The following ATP8B4 variants were observed in gnomAD, a reference collection of about 807,000 sequenced individuals.
ATP8B4 encodes the protein probable phospholipid-transporting ATPase IM.
A neutral mutation model predicts 145.6 loss-of-function variants in ATP8B4; 133 were observed. That is an observed-to-expected ratio of 0.91 (90% confidence interval 0.79 to 1.05). ATP8B4 has a LOEUF of 1.05. Among genes scored for constraint, ATP8B4 ranks in the 50% least tolerant of loss-of-function variants. The pLI is 0.00. For missense variants in ATP8B4, 1,458 were observed against 1,425.2 expected (o/e 1.02, Z -0.37); for synonymous variants, 507 against 492.9 (o/e 1.03, Z -0.38).
At chr15:49,968,450 CA>C (rs932955949) in intron 13 of ATP8B4, among the ~76,000 whole-genome samples, 5 of 150,866 alleles carry the variant, frequency 3.3e-5, no homozygotes, top group Non-Finnish European at 5.9e-5. Flanking sequence ...AAATGGAAAG[CA>C]AAAAAAAGCA....
intron 1 of ATP8B4, among the ~76,000 whole-genome samples, chr15:50,116,415 G>C (rs182939096): frequency 2.0e-5 from 3 of 152,102 alleles, no homozygotes; most frequent in African/African-American, 7.2e-5. Context: ...AGGTGGAGGG[G>C]CAGAAGAAGG....
intron 1 of ATP8B4, among the ~76,000 whole-genome samples, chr15:50,174,273 A>T (rs972299233): frequency 1.3e-5 from 2 of 152,212 alleles, no homozygotes; most frequent in African/African-American, 4.8e-5. Flanking sequence ...TCTTCAGCAT[A>T]GTACTGGAAG....
chr15:49,897,164 C>T (rs758551445), intron 23 of ATP8B4, 128 bp downstream of exon 23: 7 of 834,432 alleles, frequency 8.4e-6, no homozygotes, highest in South Asian at 7.1e-5. Context: ...AATTGTAATA[C>T]TATTACTTGA....
At position 49,901,148 on chromosome 15, in the gene ATP8B4, T is replaced by G. The variant is rs142396118; in HGVS notation, c.2233A>C (p.Ile745Leu). 1 of 1,613,528 alleles carries G rather than the reference T, an allele frequency of 6.2e-7. No individual in the cohort carries two copies. The highest frequency in any genetic ancestry group is 8.5e-7 in the Non-Finnish European group (1 of 1,179,658). ...TCTCCTGTTATGGTTTCTTCTACAATAGAATCCAACTCCAGCTGCTGCTTT... is the reference window on the plus strand; with the variant it reads ...TCTCCTGTTATGGTTTCTTCTACAAGAGAATCCAACTCCAGCTGCTGCTTT... ...EKKQQLELDSIVEETITGDYA... is the reference protein window; with the variant it reads ...EKKQQLELDSLVEETITGDYA... Residue 745 changes from isoleucine (I) to leucine (L), a missense_variant, in exon 21 of 28, where the codon ATT becomes CTT. Ile to Leu is a conservative substitution (Grantham distance 5, BLOSUM62 2). Coordinates refer to ENST00000284509, the MANE Select transcript of ATP8B4 (RefSeq NM_024837.4).
intron 3 of ATP8B4, among the ~76,000 whole-genome samples, chr15:50,062,497 C>T (rs576323946): frequency 7.4e-4 from 113 of 152,094 alleles, no homozygotes; most frequent in Non-Finnish European, 4.0e-4. Flanking sequence ...TCAGGTACTT[C>T]TTTATGGCAA....
At chr15:50,018,864 A>C in intron 6 of ATP8B4, 1 of 1,057,950 alleles carries the variant, frequency 9.5e-7, no homozygotes, top group Non-Finnish European at 1.3e-6. Flanking sequence ...CTACTCTCTG[A>C]AGCTTCGACC....
chr15:50,178,472 CA>C (rs1369434300), intron 1 of ATP8B4, among the ~76,000 whole-genome samples: 1 of 152,106 alleles, frequency 6.6e-6, no homozygotes, highest in Non-Finnish European at 1.5e-5. Context: ...TTTCTACATT[CA>C]AAAATATTTT....
intron 16 of ATP8B4, 91 bp downstream of exon 16, chr15:49,931,028 T>G (rs919546675): frequency 6.0e-5 from 83 of 1,383,338 alleles, no homozygotes; most frequent in Non-Finnish European, 7.8e-5. Flanking sequence ...ATCACAACCC[T>G]CAGCACATAG....
chr15:49,939,548 A>T (rs12904014), intron 14 of ATP8B4, among the ~76,000 whole-genome samples: 36,975 of 152,024 alleles, frequency 0.24, 5,182 homozygotes, highest in Non-Finnish European at 0.31. Context: ...CAAGATTGAA[A>T]CAAGAAGAAA....
intron 1 of ATP8B4, among the ~76,000 whole-genome samples, chr15:50,111,677 T>C (rs924291594): frequency 5.9e-5 from 9 of 152,182 alleles, no homozygotes; most frequent in Admixed American, 2.6e-4. Context: ...TTACAGAATC[T>C]GGGGCAAATA....
intron 21 of ATP8B4, among the ~76,000 whole-genome samples, chr15:49,900,431 TA>T (rs1265849577): frequency 2.0e-5 from 3 of 152,244 alleles, no homozygotes; most frequent in Non-Finnish European, 4.4e-5. Flanking sequence ...CTTGTGCATA[TA>T]AATTATAATT....
chr15:50,138,458 TAGAC>T (rs1305116169), intron 1 of ATP8B4, among the ~76,000 whole-genome samples: 3 of 148,992 alleles, frequency 2.0e-5, no homozygotes, highest in African/African-American at 7.3e-5. Context: ...AGACAGATGA[TAGAC>T]AGATAGATAG....
intron 1 of ATP8B4, among the ~76,000 whole-genome samples, chr15:50,136,801 T>C (rs1039322377): frequency 2.0e-5 from 3 of 152,184 alleles, no homozygotes; most frequent in African/African-American, 7.2e-5. Context: ...ACCAGACAAG[T>C]TACCCTGTGT....
At chr15:50,067,395 T>C (rs1171805207) in intron 3 of ATP8B4, among the ~76,000 whole-genome samples, 1 of 152,200 alleles carries the variant, frequency 6.6e-6, no homozygotes, top group Non-Finnish European at 1.5e-5. Flanking sequence ...GTCACTTCTC[T>C]TAGCCTGTAG....
At chr15:50,093,789 A>G (rs1167040643) in intron 2 of ATP8B4, among the ~76,000 whole-genome samples, 1 of 152,172 alleles carries the variant, frequency 6.6e-6, no homozygotes, top group Admixed American at 6.5e-5. Context: ...AAGTAAAAAA[A>G]TGTGAAAATA....
intron 3 of ATP8B4, among the ~76,000 whole-genome samples, chr15:50,072,968 CTCTCTCTCTCTCTATATATATA>C (rs2053888671): frequency 5.5e-4 from 18 of 32,934 alleles, no homozygotes; most frequent in South Asian, 3.7e-3. Flanking sequence ...CTCTCTCTCT[CTCTCTCTCTCTCTATATATATA>C]TATATATATA....
chr15:49,984,026 T>C (rs1304324917), intron 10 of ATP8B4, among the ~76,000 whole-genome samples: 3 of 152,268 alleles, frequency 2.0e-5, no homozygotes, highest in Non-Finnish European at 2.9e-5. Flanking sequence ...GCCCAGCATA[T>C]AGTAGACATT....
At chr15:49,956,598 G>A (rs1401085388) in intron 14 of ATP8B4, among the ~76,000 whole-genome samples, 1 of 152,186 alleles carries the variant, frequency 6.6e-6, no homozygotes, top group African/African-American at 2.4e-5. Flanking sequence ...CTGGAATGCA[G>A]TGGCGAGATC....
intron 20 of ATP8B4, among the ~76,000 whole-genome samples, chr15:49,907,290 T>C (rs1254077734): frequency 1.3e-5 from 2 of 152,184 alleles, no homozygotes; most frequent in Non-Finnish European, 2.9e-5. Flanking sequence ...TTTTAGAAAA[T>C]TTAATGAGTT....
Sources: allele counts gnomAD v4.1 joint callset (sites outside exome capture counted in the v4.1 genomes callset), GRCh38; gene constraint gnomAD v4.1.1; transcripts MANE v1.5; gene names NCBI Gene and HGNC (gene_info 2026-07-23, HGNC 2026-07-21).